ZNF680: variants seen among roughly 807,000 people sequenced by gnomAD.
The protein encoded by ZNF680 is hypothetical protein FLJ90430.
ZNF680 carries 6 observed loss-of-function variants against 12.1 expected under a neutral mutation model. The observed-to-expected ratio is 0.49, with a 90% CI of 0.27 to 0.98. ZNF680 has a LOEUF of 0.98. ZNF680 is among the 50% of genes least tolerant of loss of function. ZNF680 has a pLI of 0.12. For missense variants in ZNF680, 561 were observed against 616.3 expected (o/e 0.91, Z 0.95); for synonymous variants, 170 against 199.3 (o/e 0.85, Z 1.24).
the ZNF680 span, among the ~76,000 whole-genome samples, chr7:64,510,354 C>A: frequency 1.3e-5 from 2 of 151,986 alleles, no homozygotes; most frequent in African/African-American, 4.8e-5. Flanking sequence ...CACCCCGCCA[C>A]CTTTTTAAAT....
chr7:64,500,977 C>T, the ZNF680 span: 4 of 666,892 alleles, frequency 6.0e-6, no homozygotes, highest in East Asian at 6.0e-5. Context: ...TTCATAAGGG[C>T]TTTGCCTTTG....
chr7:64,523,418 G>A (rs1320190155), intron 3 of ZNF680, among the ~76,000 whole-genome samples: 1 of 151,788 alleles, frequency 6.6e-6, no homozygotes, highest in Non-Finnish European at 1.5e-5. Flanking sequence ...AAATAGGAAG[G>A]AAGTGAAAGC....
chr7:64,541,977 T>C (rs1786530334), intron 3 of ZNF680, among the ~76,000 whole-genome samples: 1 of 152,182 alleles, frequency 6.6e-6, no homozygotes, highest in Admixed American at 6.6e-5. Flanking sequence ...GTGAAAGCCA[T>C]ACTCATCCAC....
intron 1 of ZNF680, among the ~76,000 whole-genome samples, chr7:64,554,974 G>A (rs1303119690): frequency 6.6e-6 from 1 of 151,574 alleles, no homozygotes; most frequent in Non-Finnish European, 1.5e-5. Context: ...AAACACCCAA[G>A]AATGATCAAT....
At chr7:64,552,253 G>C (rs1411123096) in intron 1 of ZNF680, among the ~76,000 whole-genome samples, 1 of 152,070 alleles carries the variant, frequency 6.6e-6, no homozygotes, top group Non-Finnish European at 1.5e-5. Flanking sequence ...AGGTTTCACT[G>C]TGTTGGCCAT....
intron 3 of ZNF680, chr7:64,524,762 G>GA (rs1480889661): frequency 6.6e-6 from 1 of 152,018 alleles, no homozygotes; most frequent in African/African-American, 2.4e-5. Flanking sequence ...CTCCTTGATA[G>GA]AAAACCTGGT....
Position 64,522,189 on chromosome 7 carries a change from T to C in ZNF680, c.565A>G (p.Lys189Glu). The change falls in exon 4 of 4, where the codon AAA becomes GAA. Residue 189 changes from lysine (K) to glutamate (E), a missense_variant. By Grantham distance (56) the Lys-to-Glu change is moderately conservative. Transcript: ENST00000309683. ...AGATGTGAAAGCATGCAAAATGATT[T>C]GCCACATTCTTTACATTTGAAAACC... ...KKVFKCKECG[K>E]SFCMLSHLTQ... The C allele has an allele frequency of 2.5e-6, 4 of 1,612,890 alleles. No homozygotes were observed. Among genetic ancestry groups the C allele is most frequent in the Non-Finnish European group, 3.4e-6 (4 of 1,179,310 alleles).
the ZNF680 span, among the ~76,000 whole-genome samples, chr7:64,507,796 G>A: frequency 2.0e-5 from 3 of 148,892 alleles, no homozygotes; most frequent in African/African-American, 7.4e-5. Flanking sequence ...AGAGAAAAAA[G>A]TGTTTTTTTC....
chr7:64,560,493 GT>G (rs1787674582), intron 1 of ZNF680, among the ~76,000 whole-genome samples: 1 of 152,160 alleles, frequency 6.6e-6, no homozygotes, highest in African/African-American at 2.4e-5. Flanking sequence ...CATTCTAAAA[GT>G]TAAGGCTTGG....
At chr7:64,529,018 T>C (rs1490377955) in intron 3 of ZNF680, among the ~76,000 whole-genome samples, 1 of 152,170 alleles carries the variant, frequency 6.6e-6, no homozygotes, top group Non-Finnish European at 1.5e-5. Context: ...AGACAACCCT[T>C]AGTTCCAGCC....
chr7:64,515,935 G>A (rs559058416), downstream of ZNF680, among the ~76,000 whole-genome samples: 8 of 152,016 alleles, frequency 5.3e-5, 1 homozygote, highest in Admixed American at 5.2e-4. Context: ...TAGGTCCTGG[G>A]CCAAGCTAAG....
At chr7:64,529,506 TAA>T (rs2116411619) in intron 3 of ZNF680, among the ~76,000 whole-genome samples, 1 of 151,914 alleles carries the variant, frequency 6.6e-6, no homozygotes, top group South Asian at 2.1e-4. Flanking sequence ...ACACTTACAG[TAA>T]AGTCTCAGCA....
chr7:64,517,391 A>G (rs1791376905), downstream of ZNF680, among the ~76,000 whole-genome samples: 1 of 152,138 alleles, frequency 6.6e-6, no homozygotes. Flanking sequence ...TCCTAGCTTA[A>G]ATCGGGAAAA....
intron 1 of ZNF680, among the ~76,000 whole-genome samples, chr7:64,545,648 A>T (rs1243806489): frequency 6.6e-6 from 1 of 152,250 alleles, no homozygotes. Flanking sequence ...AGTTCAAAAT[A>T]CAGGTATCTC....
chr7:64,510,916 AAAAAAT>A, the ZNF680 span, among the ~76,000 whole-genome samples: 40,326 of 79,128 alleles, frequency 0.51, 12,638 homozygotes, highest in African/African-American at 0.75. Flanking sequence ...TCTCAAAAAA[AAAAAAT>A]AAAAAATAAA....
At chr7:64,508,123 G>GTATATATATATATATATATATATATATA in the ZNF680 span, among the ~76,000 whole-genome samples, 225 of 117,548 alleles carry the variant, frequency 1.9e-3, 17 homozygotes, top group African/African-American at 7.9e-3. Context: ...ATTTTAAAAT[G>GTATATATATATATATATATATATATATA]TATATATATA....
At chr7:64,555,223 T>TA (rs1470221490) in intron 1 of ZNF680, among the ~76,000 whole-genome samples, 1 of 151,994 alleles carries the variant, frequency 6.6e-6, no homozygotes, top group East Asian at 1.9e-4. Flanking sequence ...TTCTTCTCAT[T>TA]ACCATGTGGC....
the ZNF680 span, among the ~76,000 whole-genome samples, chr7:64,511,969 G>C: frequency 1.3e-5 from 2 of 151,076 alleles, no homozygotes; most frequent in African/African-American, 2.4e-5. Flanking sequence ...TGAGGCAGGA[G>C]AATCACTTGA....
chr7:64,522,264 GAA>G lies in ZNF680; in HGVS notation c.488_489del (p.Phe163SerfsTer2), dbSNP rs1401232450. The G allele has an allele frequency of 6.2e-7, 1 of 1,612,716 alleles. No individual in the cohort carries two copies. Among genetic ancestry groups the G allele is most frequent in the Non-Finnish European group, 8.5e-7 (1 of 1,179,366 alleles). ...TGACTGTTTGAATTTGAAAATTTAT[GAA>G]AGACTTTCACGTATTTATCACATTG... The part of the protein sequence containing the change: ...IFQCDKYVKV[F>X]HKFSNSNSHK... On this transcript the variant is annotated frameshift_variant, in exon 4 of 4. Transcript: ENST00000309683. LOFTEE classifies it low-confidence loss of function (END_TRUNC).
Sources: allele counts gnomAD v4.1 joint callset (sites outside exome capture counted in the v4.1 genomes callset), GRCh38; gene constraint gnomAD v4.1.1; transcripts MANE v1.5; gene names NCBI Gene and HGNC (gene_info 2026-07-23, HGNC 2026-07-21).